The following CPA6 variants were observed in gnomAD, a reference collection of about 807,000 sequenced individuals.
CPA6 encodes the protein carboxypeptidase A6.
In CPA6, 58 loss-of-function variants were observed where a neutral mutation model predicts 63.3. The ratio of observed to expected loss-of-function variants is 0.92; its 90% CI spans 0.74 to 1.14. The LOEUF is 1.14. CPA6 is among the 50% of genes most tolerant of loss of function. The probability of loss-of-function intolerance (pLI) is 0.00; values close to 1 mark genes in which losing one functional copy is unlikely to be tolerated. For missense variants in CPA6, 565 were observed against 526.6 expected, an observed-to-expected ratio of 1.07 and a Z score of -0.71; for synonymous variants, 185 against 179.0, an observed-to-expected ratio of 1.03 and a Z score of -0.27.
At chr8:67,544,985 AT>A (rs1169920875) in intron 2 of CPA6, among the ~76,000 whole-genome samples, 3 of 152,212 alleles carry the variant, frequency 2.0e-5, no homozygotes, top group Non-Finnish European at 4.4e-5. Context: ...TGTTTGATTC[AT>A]AATTTATCAA....
intron 2 of CPA6, among the ~76,000 whole-genome samples, chr8:67,589,229 T>C (rs550186765): frequency 6.6e-6 from 1 of 152,374 alleles, no homozygotes; most frequent in Non-Finnish European, 1.5e-5. Flanking sequence ...TTTCAAATTT[T>C]CTGTAAATCA....
intron 1 of CPA6, among the ~76,000 whole-genome samples, chr8:67,707,693 G>A (rs1328114277): frequency 6.6e-6 from 1 of 152,126 alleles, no homozygotes; most frequent in Non-Finnish European, 1.5e-5. Flanking sequence ...TGGATCATGA[G>A]GTCAGGAGTT....
rs61666997 is a variant in CPA6, at chr8:67,630,110, AAATAATAAT to A, written c.117-5868_117-5860del. Among the ~76,000 whole-genome samples, 459 of 144,874 alleles carry A rather than the reference AAATAATAAT, an allele frequency of 3.2e-3. 3 individuals carry two copies. Among genetic ancestry groups the A allele is most frequent in the Non-Finnish European group, 4.9e-3 (329 of 66,682 alleles). On this transcript the variant is annotated intron_variant, in intron 1 of 10. Transcript: ENST00000297770. ...ACAGAGTGAGAATCTGTCTCAATTA[AAATAATAAT>A]AATAATAATAATAATAATAATTTGT...
chr8:67,611,889 A>C (rs1814816013), intron 2 of CPA6, among the ~76,000 whole-genome samples: 1 of 152,224 alleles, frequency 6.6e-6, no homozygotes, highest in African/African-American at 2.4e-5. Context: ...CTTCTGATAG[A>C]GGGGAAGATG....
chr8:67,560,091 C>T (rs1371509808), intron 2 of CPA6, among the ~76,000 whole-genome samples: 1 of 150,924 alleles, frequency 6.6e-6, no homozygotes, highest in Non-Finnish European at 1.5e-5. Flanking sequence ...ATCACCTACT[C>T]TTTGGTATTT....
At chr8:67,725,236 C>G (rs553092449) in intron 1 of CPA6, among the ~76,000 whole-genome samples, 1 of 152,182 alleles carries the variant, frequency 6.6e-6, no homozygotes, top group East Asian at 1.9e-4. Flanking sequence ...TGTTTGTTTC[C>G]CTCGTGAAAT....
intron 1 of CPA6, among the ~76,000 whole-genome samples, chr8:67,709,987 C>T (rs566062729): frequency 8.5e-5 from 13 of 152,082 alleles, no homozygotes; most frequent in Non-Finnish European, 1.6e-4. Context: ...GTGGTGCGTG[C>T]CTGTAATCCC....
At chr8:67,518,140 G>A in intron 2 of CPA6, 93 bp from the exon 3 acceptor site, 3 of 1,206,590 alleles carry the variant, frequency 2.5e-6, no homozygotes, top group Non-Finnish European at 3.4e-6. Context: ...TTTGCATATA[G>A]TAACACCAAA....
intron 8 of CPA6, among the ~76,000 whole-genome samples, chr8:67,447,613 T>C (rs1810459810): frequency 6.6e-6 from 1 of 152,124 alleles, no homozygotes; most frequent in South Asian, 2.1e-4. Flanking sequence ...AGGATATTTT[T>C]AATTTTCATA....
chr8:67,652,789 G>A (rs1815879666), intron 1 of CPA6, among the ~76,000 whole-genome samples: 2 of 152,004 alleles, frequency 1.3e-5, no homozygotes, highest in Non-Finnish European at 2.9e-5. Flanking sequence ...ATTGCTTTTG[G>A]TATTTTAGAC....
intron 1 of CPA6, 152 bp from the exon 2 acceptor site, chr8:67,624,403 C>G: frequency 7.8e-6 from 4 of 513,116 alleles, no homozygotes. Flanking sequence ...CCAATTTATT[C>G]TCTGATTGCA....
chr8:67,688,096 T>C (rs1214891076), intron 1 of CPA6, among the ~76,000 whole-genome samples: 4 of 152,076 alleles, frequency 2.6e-5, no homozygotes, highest in Non-Finnish European at 5.9e-5. Flanking sequence ...CACCAGAATA[T>C]GAGGCTGCAG....
intron 1 of CPA6, among the ~76,000 whole-genome samples, chr8:67,690,612 TAA>T (rs1256150376): frequency 6.6e-6 from 1 of 152,076 alleles, no homozygotes; most frequent in Non-Finnish European, 1.5e-5. Flanking sequence ...AAAAGCAATA[TAA>T]ACAGCTACAT....
At chr8:67,711,739 G>A (rs1817266118) in intron 1 of CPA6, among the ~76,000 whole-genome samples, 1 of 148,692 alleles carries the variant, frequency 6.7e-6, no homozygotes, top group Non-Finnish European at 1.5e-5. Flanking sequence ...AAGATGGAGG[G>A]GCACCTTACA....
chr8:67,555,819 T>C (rs958967387), intron 2 of CPA6, among the ~76,000 whole-genome samples: 1 of 152,204 alleles, frequency 6.6e-6, no homozygotes, highest in Non-Finnish European at 1.5e-5. Flanking sequence ...AGAACTGGCA[T>C]GGAAAAATCA....
At chr8:67,595,717 G>T (rs550519145) in intron 2 of CPA6, among the ~76,000 whole-genome samples, 3 of 152,218 alleles carry the variant, frequency 2.0e-5, no homozygotes, top group Non-Finnish European at 4.4e-5. Flanking sequence ...CTGGTGCACC[G>T]TTTCCTAAGC....
Position 67,681,262 on chromosome 8 carries a change from T to C in CPA6, c.117-57011A>G, listed in dbSNP as rs551573424. ...CTGTCGCCCAGGCCGGACTGCGGAC[T>C]GCAGTGGCGCAATCTCGGCTCACTG... On this transcript the variant is annotated intron_variant, in intron 1 of 10. Coordinates refer to ENST00000297770, the MANE Select transcript of CPA6 (RefSeq NM_020361.5). Among the ~76,000 whole-genome samples, 3 of 131,508 alleles carry C rather than the reference T, an allele frequency of 2.3e-5. No individual in the cohort carries two copies. In the South Asian group the frequency reaches 8.1e-4, roughly 36 times the overall value. The allele number at this position is 131,508 out of a possible 152,430, so 86.3% of individuals were successfully genotyped here. A position where few individuals can be genotyped will look rare whatever the true frequency, so the allele number is the denominator to read the frequency against.
intron 1 of CPA6, among the ~76,000 whole-genome samples, chr8:67,724,637 T>C (rs142881762): frequency 6.6e-6 from 1 of 152,338 alleles, no homozygotes; most frequent in African/African-American, 2.4e-5. Flanking sequence ...GAGGAACAAC[T>C]GAGACAACCC....
chr8:67,576,950 G>A (rs888244573), intron 2 of CPA6, among the ~76,000 whole-genome samples: 4 of 150,900 alleles, frequency 2.7e-5, no homozygotes, highest in South Asian at 4.2e-4. Context: ...GCAACCTTCC[G>A]CCTCCGGGGT....
Sources: gnomAD v4.1 joint callset for allele counts (sites outside exome capture counted in the v4.1 genomes callset) on GRCh38, gnomAD v4.1.1 for gene constraint, MANE v1.5 for transcripts, NCBI Gene and HGNC (gene_info 2026-07-23, HGNC 2026-07-21) for gene names.